The following JAM2 variants were observed in gnomAD, a reference collection of about 807,000 sequenced individuals.
The protein encoded by JAM2 is junctional adhesion molecule B.
In JAM2, 17 loss-of-function variants were observed where a neutral mutation model predicts 42.0. The ratio of observed to expected loss-of-function variants is 0.40; its 90% CI spans 0.28 to 0.61. JAM2 has a LOEUF of 0.61. Ranked by LOEUF, JAM2 falls within the 20% of genes least tolerant of loss-of-function variation. JAM2 has a pLI of 0.37. For missense variants in JAM2, 319 were observed against 358.3 expected (o/e 0.89, Z 0.89); for synonymous variants, 118 against 128.6 (o/e 0.92, Z 0.56).
At chr21:25,688,054 G>A (rs1358799203) in intron 2 of JAM2, among the ~76,000 whole-genome samples, 1 of 152,234 alleles carries the variant, frequency 6.6e-6, no homozygotes, top group Non-Finnish European at 1.5e-5. Context: ...ATGGCAGACA[G>A]TAAGTACTCA....
At chr21:25,661,095 A>T (rs1007214131) in intron 1 of JAM2, among the ~76,000 whole-genome samples, 9 of 151,858 alleles carry the variant, frequency 5.9e-5, no homozygotes, top group Non-Finnish European at 1.3e-4. Flanking sequence ...CTGGCCAATA[A>T]CCCTATTCTT....
rs35503919 is a variant in JAM2 at position 25,655,483 on chromosome 21, C to CTT, written c.67+15609_67+15610dup. Among the ~76,000 whole-genome samples, 73 of 130,056 alleles carry CTT rather than the reference C, an allele frequency of 5.6e-4. 2 individuals carry two copies. Among genetic ancestry groups the CTT allele is most frequent in the African/African-American group, 1.6e-3 (57 of 34,666 alleles). The allele number at this position is 130,056 out of a possible 152,430, so 85.3% of individuals were successfully genotyped here. On this transcript the variant is annotated intron_variant, in intron 1 of 9. Coordinates refer to ENST00000480456, the MANE Select transcript of JAM2 (RefSeq NM_021219.4). The stretch of plus-strand genomic sequence containing the variant: ...ACTTGAAATATTTGAAACATCAGCT[C>CTT]TTTTTTTTTTTTTTTGAGACGGAGT...
At chr21:25,690,951 T>C (rs1189991352) in intron 3 of JAM2, among the ~76,000 whole-genome samples, 2 of 152,228 alleles carry the variant, frequency 1.3e-5, no homozygotes, top group Non-Finnish European at 2.9e-5. Flanking sequence ...AATGTCCATT[T>C]GCTTCAAAAT....
At chr21:25,639,941 C>T in intron 1 of JAM2, 53 bp downstream of exon 1, 1 of 1,280,814 alleles carries the variant, frequency 7.8e-7, no homozygotes, top group Non-Finnish European at 1.1e-6. Context: ...CTGCCCCCAC[C>T]CTCCAGCCCC....
At chr21:25,696,442 C>G (rs982568737) in intron 4 of JAM2, among the ~76,000 whole-genome samples, 1 of 152,056 alleles carries the variant, frequency 6.6e-6, no homozygotes, top group Non-Finnish European at 1.5e-5. Flanking sequence ...GAGCCCCCTT[C>G]CTTTTTCATG....
chr21:25,679,414 A>G (rs1378549696), intron 1 of JAM2, among the ~76,000 whole-genome samples: 1 of 152,206 alleles, frequency 6.6e-6, no homozygotes, highest in African/African-American at 2.4e-5. Context: ...CTAAGTCTAG[A>G]GCAATGGTTC....
In JAM2 at chr21:25,639,796, G is replaced by A. The variant is rs749466979; in HGVS notation, c.-26G>A. 5.8e-6 allele frequency: 9 copies of A among 1,554,400 alleles called. No homozygotes were observed. Among genetic ancestry groups the A allele is most frequent in the Non-Finnish European group, 7.8e-6 (9 of 1,151,442 alleles). ...GCCGCCGGGACCCTCGACCTCCTCA[G>A]AGCAGCCGGCTGCCGCCCCGGGAAG... On this transcript the variant is annotated 5_prime_UTR_variant, in exon 1 of 10. Transcript: ENST00000480456.
At chr21:25,679,690 G>T (rs2033584214) in intron 1 of JAM2, among the ~76,000 whole-genome samples, 1 of 152,222 alleles carries the variant, frequency 6.6e-6, no homozygotes, top group Non-Finnish European at 1.5e-5. Flanking sequence ...TCCTAGATCA[G>T]CCTCTTAGCT....
chr21:25,699,448 C>T (rs1347623575), intron 5 of JAM2, among the ~76,000 whole-genome samples: 3 of 152,070 alleles, frequency 2.0e-5, no homozygotes, highest in Non-Finnish European at 4.4e-5. Flanking sequence ...CGCGGCCGGG[C>T]GCAGTGGCTC....
At chr21:25,655,485 T>C (rs1001951827) in intron 1 of JAM2, among the ~76,000 whole-genome samples, 4 of 144,698 alleles carry the variant, frequency 2.8e-5, no homozygotes, top group Non-Finnish European at 6.1e-5. Context: ...CATCAGCTCT[T>C]TTTTTTTTTT....
At chr21:25,698,099 G>A (rs953806030) in intron 4 of JAM2, among the ~76,000 whole-genome samples, 3 of 152,290 alleles carry the variant, frequency 2.0e-5, no homozygotes, top group Admixed American at 1.3e-4. Flanking sequence ...AAGAATAGCT[G>A]TTGTATAAGC....
rs141481083 is a variant in JAM2 at position 25,694,557 on chromosome 21, C to G, written c.394+649C>G. Reference sequence around the variant, plus strand: ...ATAAGAATCATGGATAGATTAGGCACAGGGGCTTATGCCTCTAATCCCACC... The same window carrying G: ...ATAAGAATCATGGATAGATTAGGCAGAGGGGCTTATGCCTCTAATCCCACC... On this transcript the variant is annotated intron_variant, in intron 4 of 9. Transcript: ENST00000480456. 1.1e-4 allele frequency among the ~76,000 whole-genome samples: 17 copies of G among 152,232 alleles called. No homozygotes were observed. In the East Asian group the frequency reaches 2.7e-3, roughly 24 times the overall value.
rs1430952558 is a variant in JAM2 at position 25,712,345 on chromosome 21, G to T, written c.827G>T (p.Ser276Ile). The T allele has an allele frequency of 6.3e-7, 1 of 1,588,888 alleles. No individual in the cohort carries two copies. The highest frequency in any genetic ancestry group is 1.7e-5 in the Admixed American group (1 of 59,788). ...YFSKETSFQK[S>I]NSSSKATTMS... The stretch of plus-strand genomic sequence containing the variant: ...CTTTTATATTCCACAAACAGGAAGA[G>T]TAATTCTTCATCTAAAGCCACGACA... Residue 276 changes from serine (S) to isoleucine (I), a missense_variant, in exon 9 of 10, where the codon AGT becomes ATT. Coordinates refer to ENST00000480456, the MANE Select transcript of JAM2 (RefSeq NM_021219.4).
chr21:25,686,049 G>T (rs190269091), intron 2 of JAM2, among the ~76,000 whole-genome samples: 26 of 152,276 alleles, frequency 1.7e-4, no homozygotes, highest in Admixed American at 1.7e-3. Flanking sequence ...GTTTTTAAGT[G>T]AACAATTCAG....
chr21:25,709,796 G>A lies in JAM2; in HGVS notation c.821+347G>A, dbSNP rs554424723. ...GGAGCAGGCACGTCACATGGCAAAA[G>A]CAGGAGCAAGGTTGGGGAGGTGCCA... On this transcript the variant is annotated intron_variant, in intron 8 of 9. Coordinates refer to ENST00000480456, the MANE Select transcript of JAM2 (RefSeq NM_021219.4). The A allele has an allele frequency of 6.1e-5, 12 of 196,596 alleles. No individual in the cohort carries two copies. The South Asian group carries it at 1.8e-3, about 30-fold the overall frequency. The allele number at this position is 196,596 out of a possible 1,614,324, so 12.2% of individuals were successfully genotyped here.
At chr21:25,707,472 A>T (rs984183336) in intron 7 of JAM2, among the ~76,000 whole-genome samples, 13 of 152,022 alleles carry the variant, frequency 8.6e-5, no homozygotes, top group African/African-American at 3.1e-4. Flanking sequence ...ACAGAGCAAG[A>T]CTCCATCTCA....
At chr21:25,676,522 G>A (rs2033501736) in intron 1 of JAM2, among the ~76,000 whole-genome samples, 1 of 152,034 alleles carries the variant, frequency 6.6e-6, no homozygotes, top group Admixed American at 6.6e-5. Context: ...AACACAAAAG[G>A]TTTCATTTGA....
chr21:25,669,395 A>AC (rs2033303819), intron 1 of JAM2, among the ~76,000 whole-genome samples: 1 of 151,392 alleles, frequency 6.6e-6, no homozygotes, highest in East Asian at 1.9e-4. Flanking sequence ...AAAAGAAAAA[A>AC]AGAAAAAAAA....
Position 25,716,685 on chromosome 21 carries a change from A to G in JAM2, c.*2013A>G, listed in dbSNP as rs1053549496. Reference sequence around the variant, plus strand: ...AGCAAGTAGTCATGTCTGTGTTCCAATAAGACTTTATTTACAAAAACAGCA... The same window carrying G: ...AGCAAGTAGTCATGTCTGTGTTCCAGTAAGACTTTATTTACAAAAACAGCA... On this transcript the variant is annotated 3_prime_UTR_variant, in exon 10 of 10. Coordinates refer to ENST00000480456, the MANE Select transcript of JAM2 (RefSeq NM_021219.4). 2.6e-5 allele frequency: 4 copies of G among 152,236 alleles called. No homozygotes were observed. Among genetic ancestry groups the G allele is most frequent in the Non-Finnish European group, 2.9e-5 (2 of 68,040 alleles). The allele number at this position is 152,236 out of a possible 1,614,324, so 9.4% of individuals were successfully genotyped here.
Sources: gnomAD v4.1 joint callset for allele counts (sites outside exome capture counted in the v4.1 genomes callset) on GRCh38, gnomAD v4.1.1 for gene constraint, MANE v1.5 for transcripts, NCBI Gene and HGNC (gene_info 2026-07-23, HGNC 2026-07-21) for gene names.